The following AGBL4 variants were observed in gnomAD, a reference collection of about 807,000 sequenced individuals.
The protein encoded by AGBL4 is AGBL carboxypeptidase 4.
Under a neutral mutation model 66.4 loss-of-function variants are expected in AGBL4, and 58 were observed. That is an observed-to-expected ratio of 0.87 (90% CI 0.71 to 1.09). AGBL4 has a LOEUF of 1.09. AGBL4 is among the 50% of genes least tolerant of loss of function. The pLI is 0.00. For synonymous variants in AGBL4, 234 were observed against 222.9 expected, an observed-to-expected ratio of 1.05 and a Z score of -0.44; for missense variants, 579 against 631.0, an observed-to-expected ratio of 0.92 and a Z score of 0.88.
chr1:49,440,576 CA>C (rs1646005833), intron 3 of AGBL4, among the ~76,000 whole-genome samples: 1 of 152,120 alleles, frequency 6.6e-6, no homozygotes. Flanking sequence ...GTTCAGTGGA[CA>C]AAGTGACAAA....
intron 3 of AGBL4, among the ~76,000 whole-genome samples, chr1:49,421,840 C>A (rs1049382954): frequency 6.6e-6 from 1 of 152,072 alleles, no homozygotes; most frequent in African/African-American, 2.4e-5. Context: ...CACTATTGGT[C>A]CTATTTTAAC....
At chr1:49,090,074 C>G (rs1644975861) in intron 4 of AGBL4, among the ~76,000 whole-genome samples, 1 of 152,038 alleles carries the variant, frequency 6.6e-6, no homozygotes, top group Non-Finnish European at 1.5e-5. Flanking sequence ...AAAATAGGCA[C>G]TGAAGGAACA....
chr1:49,624,669 C>A lies in AGBL4; in HGVS notation c.282+72644G>T, dbSNP rs1645431614. On this transcript the variant is annotated intron_variant, in intron 3 of 13. Transcript: ENST00000371839. ...AACAGAATAGCTGGAGCTGCTACAT[C>A]CACCTTTAAGCTATGAAATGACCCT... is the stretch of plus-strand genomic sequence containing the variant. Among the ~76,000 whole-genome samples, 3 of 152,106 alleles carry A rather than the reference C, an allele frequency of 2.0e-5. No homozygotes were observed. In the South Asian group the frequency reaches 6.2e-4, roughly 32 times the overall value.
chr1:49,260,383 A>T (rs1482106174), intron 3 of AGBL4, among the ~76,000 whole-genome samples: 443 of 151,648 alleles, frequency 2.9e-3, no homozygotes, highest in Non-Finnish European at 5.1e-3. Flanking sequence ...GTTTTTTGAA[A>T]GGATCAACAA....
intron 2 of AGBL4, among the ~76,000 whole-genome samples, chr1:49,731,010 C>T (rs150764625): frequency 1.1e-4 from 17 of 152,296 alleles, no homozygotes; most frequent in Admixed American, 9.2e-4. Flanking sequence ...CTATGGACTA[C>T]ATCAATGGGC....
At position 49,603,527 on chromosome 1, in the gene AGBL4, AAAATAAATAAAT is replaced by A. The variant is rs59509776; in HGVS notation, c.282+93774_282+93785del. Among the ~76,000 whole-genome samples, 882 of 140,646 alleles carry A rather than the reference AAAATAAATAAAT, an allele frequency of 6.3e-3. 4 individuals carry two copies. Among genetic ancestry groups the A allele is most frequent in the African/African-American group, 0.018 (695 of 37,826 alleles). The allele number at this position is 140,646 out of a possible 152,430, so 92.3% of individuals were successfully genotyped here. A position where few individuals can be genotyped will look rare whatever the true frequency, so the allele number is the denominator to read the frequency against. On this transcript the variant is annotated intron_variant, in intron 3 of 13. Transcript: ENST00000371839. ...GCGACAGAGCGAGACTCCATCTCAA[AAAATAAATAAAT>A]AAATAAATAAATAAATAAATAAATA... is the stretch of plus-strand genomic sequence containing the variant.
At chr1:49,071,724 A>G (rs1644607576) in intron 4 of AGBL4, among the ~76,000 whole-genome samples, 1 of 151,922 alleles carries the variant, frequency 6.6e-6, no homozygotes, top group African/African-American at 2.4e-5. Flanking sequence ...TATTCTGTTG[A>G]TTTGGTGTGG....
chr1:48,539,615 C>T, intron 12 of AGBL4, 27 bp downstream of exon 12: 29 of 1,503,874 alleles, frequency 1.9e-5, no homozygotes, highest in Non-Finnish European at 2.6e-5. Context: ...AGAACTCAAG[C>T]CGAAACCTCT....
intron 1 of AGBL4, among the ~76,000 whole-genome samples, chr1:49,890,833 A>G (rs926461703): frequency 6.6e-6 from 1 of 152,202 alleles, no homozygotes; most frequent in African/African-American, 2.4e-5. Context: ...AAATGACTAG[A>G]TGACTCTCTA....
At chr1:49,660,247 A>G (rs980308304) in intron 3 of AGBL4, among the ~76,000 whole-genome samples, 9 of 152,186 alleles carry the variant, frequency 5.9e-5, no homozygotes, top group Non-Finnish European at 1.0e-4. Context: ...GAACTCAAAC[A>G]AATTTACAAG....
intron 3 of AGBL4, among the ~76,000 whole-genome samples, chr1:49,573,146 CTGTGTGTGTGTGTGTGTG>C (rs57980631): frequency 1.0e-4 from 14 of 136,580 alleles, no homozygotes; most frequent in African/African-American, 2.9e-4. Flanking sequence ...GTGTGTGTGT[CTGTGTGTGTGTGTGTGTG>C]TGTGTGTGTG....
intron 3 of AGBL4, among the ~76,000 whole-genome samples, chr1:49,288,567 T>C (rs1362911156): frequency 6.6e-6 from 1 of 152,130 alleles, no homozygotes; most frequent in Non-Finnish European, 1.5e-5. Context: ...ACTTGCAAAA[T>C]TCTAAGCTGC....
At chr1:49,157,374 T>C (rs1425647792) in intron 4 of AGBL4, among the ~76,000 whole-genome samples, 2 of 152,032 alleles carry the variant, frequency 1.3e-5, no homozygotes, top group African/African-American at 2.4e-5. Flanking sequence ...AGAATGATGG[T>C]TTCCAGCTTC....
chr1:49,378,931 GAGA>G (rs1644529939), intron 3 of AGBL4, among the ~76,000 whole-genome samples: 1 of 152,066 alleles, frequency 6.6e-6, no homozygotes, highest in South Asian at 2.1e-4. Context: ...ATTCTCTCCA[GAGA>G]AGGTTTTTTT....
chr1:49,545,120 T>C (rs996296592), intron 3 of AGBL4, among the ~76,000 whole-genome samples: 6 of 152,202 alleles, frequency 3.9e-5, no homozygotes, highest in Admixed American at 3.3e-4. Flanking sequence ...AACCAAGTCA[T>C]AAGGTATGAA....
At chr1:49,734,253 A>T (rs1436525483) in intron 2 of AGBL4, among the ~76,000 whole-genome samples, 4 of 151,854 alleles carry the variant, frequency 2.6e-5, no homozygotes, top group Non-Finnish European at 5.9e-5. Flanking sequence ...ATTAGAATGG[A>T]GGTTATAACT....
chr1:48,604,501 G>T (rs1217528082), intron 9 of AGBL4, among the ~76,000 whole-genome samples: 1 of 151,850 alleles, frequency 6.6e-6, no homozygotes, highest in Admixed American at 6.6e-5. Context: ...CGTATAAATA[G>T]AACTCTTTAT....
intron 3 of AGBL4, among the ~76,000 whole-genome samples, chr1:49,423,703 T>G (rs958331751): frequency 6.0e-5 from 9 of 149,628 alleles, no homozygotes; most frequent in African/African-American, 2.0e-4. Flanking sequence ...TCCCAGCTAC[T>G]AGGGAAGCTG....
At chr1:48,582,972 G>A (rs1291559868) in intron 11 of AGBL4, among the ~76,000 whole-genome samples, 3 of 152,114 alleles carry the variant, frequency 2.0e-5, no homozygotes, top group African/African-American at 7.2e-5. Context: ...ATATCCCTTG[G>A]GATTCTCTGC....
Sources: allele counts gnomAD v4.1 joint callset (sites outside exome capture counted in the v4.1 genomes callset), GRCh38; gene constraint gnomAD v4.1.1; transcripts MANE v1.5; gene names NCBI Gene and HGNC (gene_info 2026-07-23, HGNC 2026-07-21).